Variants in AGPAT4 observed in about 807,000 individuals in gnomAD.
AGPAT4 encodes 1-acyl-sn-glycerol-3-phosphate acyltransferase delta.
In AGPAT4, 15 loss-of-function variants were observed where a neutral mutation model predicts 48.0. The ratio of observed to expected loss-of-function variants is 0.31; its 90% CI spans 0.21 to 0.48. The LOEUF (loss-of-function observed/expected upper bound fraction) is 0.48. AGPAT4 is among the 20% of genes least tolerant of loss of function. The pLI is 0.99. For missense variants in AGPAT4, 314 were observed against 482.5 expected (o/e 0.65, Z 3.27); for synonymous variants, 178 against 198.7 (o/e 0.90, Z 0.88).
rs760812799 is a variant in AGPAT4, at chr6:161,133,503, C to T, written c.*3037G>A. Reference sequence around the variant, plus strand: ...CTCACAGAGTGCCTTACTTCTTCCTCCCGATTAATCGTGTTCACTATATGG... The same window carrying T: ...CTCACAGAGTGCCTTACTTCTTCCTTCCGATTAATCGTGTTCACTATATGG... On this transcript the variant is annotated 3_prime_UTR_variant, in exon 9 of 9. Coordinates refer to ENST00000320285, the MANE Select transcript of AGPAT4 (RefSeq NM_020133.3). 34 of 152,154 alleles carry T rather than the reference C, an allele frequency of 2.2e-4. No individual in the cohort carries two copies. Among genetic ancestry groups the T allele is most frequent in the Admixed American group, 1.7e-3 (26 of 15,282 alleles). The allele number at this position is 152,154 out of a possible 1,614,324, so 9.4% of individuals were successfully genotyped here.
At position 161,226,023 on chromosome 6, in the gene AGPAT4, A is replaced by T. The variant is rs1230631109; in HGVS notation, c.178+6013T>A. ...ATCAGTTTTAGGATCATGTCCACCT[A>T]CAGCCGGTTACTGAACCCTCTTCTG... On this transcript the variant is annotated intron_variant, in intron 2 of 8. Transcript: ENST00000320285. This position sits in a 1 kb window ranked among gnomAD's most constrained non-coding sequence, Gnocchi z 6.3. Among the ~76,000 whole-genome samples, 1 of 152,174 alleles carries T rather than the reference A, an allele frequency of 6.6e-6. No homozygotes were observed. The highest frequency in any genetic ancestry group is 1.5e-5 in the Non-Finnish European group (1 of 68,032).
At chr6:161,168,104 T>C (rs1227659585) in intron 2 of AGPAT4, among the ~76,000 whole-genome samples, 1 of 148,470 alleles carries the variant, frequency 6.7e-6, no homozygotes, top group Non-Finnish European at 1.5e-5. Context: ...TGGGAGTTGG[T>C]TGTGGGGGCA....
rs529810696 is a variant in AGPAT4 at position 161,238,787 on chromosome 6, G to C, written c.-89-6485C>G. On this transcript the variant is annotated intron_variant, in intron 1 of 8. Transcript: ENST00000320285. This position sits in a 1 kb window ranked among gnomAD's most constrained non-coding sequence, Gnocchi z 5.2. Reference sequence around the variant, plus strand: ...TTACCCTGATGCTGTTCTTGTGATCGTGAGTTCTCATAAGATCTGATGGTT... The same window carrying C: ...TTACCCTGATGCTGTTCTTGTGATCCTGAGTTCTCATAAGATCTGATGGTT... Among the ~76,000 whole-genome samples the C allele has an allele frequency of 6.6e-6, 1 of 152,108 alleles. No homozygotes were observed. The highest frequency in any genetic ancestry group is 2.4e-5 in the African/African-American group (1 of 41,422).
rs78152292 is a variant in AGPAT4 at position 161,259,434 on chromosome 6, A to G, written c.-90+14504T>C. Among the ~76,000 whole-genome samples the G allele has an allele frequency of 0.15, 23,417 of 151,864 alleles. 1,973 individuals are homozygous for G. Among genetic ancestry groups the G allele is most frequent in the Non-Finnish European group, 0.19 (12,707 of 67,924 alleles). ...TGCTTTGAGTTGCTGGTGATCACGGACTTTTGTAGAGCCACCCGGTCTTTT... is the reference window on the plus strand; with the variant it reads ...TGCTTTGAGTTGCTGGTGATCACGGGCTTTTGTAGAGCCACCCGGTCTTTT... On this transcript the variant is annotated intron_variant, in intron 1 of 8. Coordinates refer to ENST00000320285, the MANE Select transcript of AGPAT4 (RefSeq NM_020133.3). The surrounding 1 kb of genome is among the most constrained non-coding windows in gnomAD (Gnocchi z 4.9).
At chr6:161,192,957 G>A (rs1295552292) in intron 2 of AGPAT4, among the ~76,000 whole-genome samples, 1 of 152,142 alleles carries the variant, frequency 6.6e-6, no homozygotes, top group African/African-American at 2.4e-5. Context: ...TTAATGTCTT[G>A]TATATTTTGG....
intron 2 of AGPAT4, among the ~76,000 whole-genome samples, chr6:161,194,444 T>G (rs78774044): frequency 1.3e-5 from 2 of 148,726 alleles, no homozygotes; most frequent in African/African-American, 2.5e-5. Flanking sequence ...GTGTGTGTGT[T>G]TGTGTGTGTG....
At position 161,222,333 on chromosome 6, in the gene AGPAT4, C is replaced by A. The variant is rs954379108; in HGVS notation, c.178+9703G>T. Among the ~76,000 whole-genome samples the A allele has an allele frequency of 6.6e-6, 1 of 152,156 alleles. No individual in the cohort carries two copies. The highest frequency in any genetic ancestry group is 1.5e-5 in the Non-Finnish European group (1 of 68,040). ...TGTATTTTTTCCAGTTTATAACATA[C>A]ATGATCATTGTGTAAAATATAAGAC... On this transcript the variant is annotated intron_variant, in intron 2 of 8. Transcript: ENST00000320285. The surrounding 1 kb of genome is among the most constrained non-coding windows in gnomAD (Gnocchi z 5.9).
chr6:161,237,351 C>T (rs1782314806), intron 1 of AGPAT4, among the ~76,000 whole-genome samples: 1 of 152,200 alleles, frequency 6.6e-6, no homozygotes, highest in South Asian at 2.1e-4. Flanking sequence ...GAAAGGAATT[C>T]ATGGCTATTT....
At position 161,208,012 on chromosome 6, in the gene AGPAT4, G is replaced by A. The variant is rs140706478; in HGVS notation, c.178+24024C>T. ...TTTATCTTGGATATTCTTATGAGAG[G>A]TAGAACAATGAGAGCTGAGAGAGAT... On this transcript the variant is annotated intron_variant, in intron 2 of 8. Coordinates refer to ENST00000320285, the MANE Select transcript of AGPAT4 (RefSeq NM_020133.3). This position sits in a 1 kb window ranked among gnomAD's most constrained non-coding sequence, Gnocchi z 4.6. Among the ~76,000 whole-genome samples, 5 of 152,180 alleles carry A rather than the reference G, an allele frequency of 3.3e-5. No homozygotes were observed. The highest frequency in any genetic ancestry group is 1.2e-4 in the African/African-American group (5 of 41,540).
intron 2 of AGPAT4, among the ~76,000 whole-genome samples, chr6:161,191,126 C>T (rs1780911874): frequency 6.6e-6 from 1 of 152,134 alleles, no homozygotes; most frequent in African/African-American, 2.4e-5. Context: ...TACTGTGGGC[C>T]ACACCTAGTG....
rs1782537227 is a variant in AGPAT4 at position 161,242,999 on chromosome 6, G to C, written c.-89-10697C>G. 6.6e-6 allele frequency among the ~76,000 whole-genome samples: 1 copy of C among 152,134 alleles called. No individual in the cohort carries two copies. The highest frequency in any genetic ancestry group is 1.5e-5 in the Non-Finnish European group (1 of 68,024). On this transcript the variant is annotated intron_variant, in intron 1 of 8. Coordinates refer to ENST00000320285, the MANE Select transcript of AGPAT4 (RefSeq NM_020133.3). The surrounding 1 kb of genome is among the most constrained non-coding windows in gnomAD (Gnocchi z 5.0). The stretch of plus-strand genomic sequence containing the variant: ...AATTGATTGAACCCAGGAGGTGGAG[G>C]TTGCAGTGAGTGGAGATTGCGCCAC...
intron 2 of AGPAT4, among the ~76,000 whole-genome samples, chr6:161,203,869 G>A (rs1781310666): frequency 1.3e-5 from 2 of 152,136 alleles, no homozygotes; most frequent in South Asian, 2.1e-4. Context: ...TTGTTGGTTG[G>A]TTGGTTTTAG....
At position 161,201,418 on chromosome 6, in the gene AGPAT4, C is replaced by A. The variant is rs1480944160; in HGVS notation, c.178+30618G>T. Among the ~76,000 whole-genome samples, 1 of 152,030 alleles carries A rather than the reference C, an allele frequency of 6.6e-6. No homozygotes were observed. Among genetic ancestry groups the A allele is most frequent in the Non-Finnish European group, 1.5e-5 (1 of 68,006 alleles). ...GAGCACTTGAGGTTAAAAATAGAAC[C>A]TAGAAGTAAGAAAGTCATTTGTAAA... On this transcript the variant is annotated intron_variant, in intron 2 of 8. Transcript: ENST00000320285. The surrounding 1 kb of genome is among the most constrained non-coding windows in gnomAD (Gnocchi z 6.0).
In AGPAT4 at chr6:161,246,621, C is replaced by T. The variant is rs1429131571; in HGVS notation, c.-89-14319G>A. Among the ~76,000 whole-genome samples, 2 of 152,082 alleles carry T rather than the reference C, an allele frequency of 1.3e-5. No homozygotes were observed. Among genetic ancestry groups the T allele is most frequent in the Admixed American group, 6.5e-5 (1 of 15,272 alleles). On this transcript the variant is annotated intron_variant, in intron 1 of 8. Transcript: ENST00000320285. This position sits in a 1 kb window ranked among gnomAD's most constrained non-coding sequence, Gnocchi z 5.5. ...ATGGGGTTTCTCCATGTTGGTCAGG[C>T]TGGTCTCGAACTCCCAATCTCAGGT...
intron 2 of AGPAT4, among the ~76,000 whole-genome samples, chr6:161,207,807 A>T (rs1335288241): frequency 6.6e-6 from 1 of 152,172 alleles, no homozygotes. Flanking sequence ...ACCCAGTGTT[A>T]GGGAAAGAGA....
In AGPAT4 at chr6:161,144,427, C is replaced by T. The variant is rs947472263; in HGVS notation, c.843+2097G>A. On this transcript the variant is annotated intron_variant, in intron 7 of 8. Transcript: ENST00000320285. This position sits in a 1 kb window ranked among gnomAD's most constrained non-coding sequence, Gnocchi z 6.6. ...TTTGAGAACCCTACCAAGTTGAACA[C>T]TATCATTTAAATGTGAACATAGTTT... Among the ~76,000 whole-genome samples the T allele has an allele frequency of 6.6e-6, 1 of 152,154 alleles. No homozygotes were observed. Among genetic ancestry groups the T allele is most frequent in the Admixed American group, 6.5e-5 (1 of 15,280 alleles).
At chr6:161,241,767 C>T (rs1055389072) in intron 1 of AGPAT4, among the ~76,000 whole-genome samples, 4 of 152,232 alleles carry the variant, frequency 2.6e-5, no homozygotes, top group Non-Finnish European at 5.9e-5. Flanking sequence ...GAGTCTCCCT[C>T]TGTTGCCCAG....
rs894096971 is a variant in AGPAT4, at chr6:161,149,698, C to T, written c.665-409G>A. On this transcript the variant is annotated intron_variant, in intron 5 of 8. Transcript: ENST00000320285. The surrounding 1 kb of genome is among the most constrained non-coding windows in gnomAD (Gnocchi z 6.5). ...CTGGGGTTACAGACACCCACCACCA[C>T]GCCCAGCTAATTTTTGTATTTTTAG... 2.6e-5 allele frequency among the ~76,000 whole-genome samples: 4 copies of T among 152,068 alleles called. No homozygotes were observed. In the East Asian group the frequency reaches 5.8e-4, roughly 22 times the overall value.
rs910005088 is a variant in AGPAT4 at position 161,137,148 on chromosome 6, G to A, written c.1043-514C>T. 3.9e-5 allele frequency among the ~76,000 whole-genome samples: 6 copies of A among 152,174 alleles called. No individual in the cohort carries two copies. Among genetic ancestry groups the A allele is most frequent in the Non-Finnish European group, 8.8e-5 (6 of 68,034 alleles). ...GCCCTCTCCTCTGACGGCAGGATTTGCCTACACCAGAGAATGGGCAGGACC... is the reference window on the plus strand; with the variant it reads ...GCCCTCTCCTCTGACGGCAGGATTTACCTACACCAGAGAATGGGCAGGACC... On this transcript the variant is annotated intron_variant, in intron 8 of 8. Transcript: ENST00000320285. The surrounding 1 kb of genome is among the most constrained non-coding windows in gnomAD (Gnocchi z 6.1).
Sources: gnomAD v4.1 joint callset for allele counts (sites outside exome capture counted in the v4.1 genomes callset) on GRCh38, gnomAD v4.1.1 for gene constraint, Gnocchi (gnomAD v3.1) non-coding constraint, MANE v1.5 for transcripts, NCBI Gene and HGNC (gene_info 2026-07-23, HGNC 2026-07-21) for gene names.